Variants in LY6G5C observed in about 807,000 individuals in gnomAD.
LY6G5C encodes the protein lymphocyte antigen 6 family member G5C, also known as lymphocyte antigen 6 complex locus protein G5c.
Under a neutral mutation model 10.5 loss-of-function variants are expected in LY6G5C, and 6 were observed. The ratio of observed to expected loss-of-function variants is 0.57; its 90% CI spans 0.31 to 1.12. The LOEUF (loss-of-function observed/expected upper bound fraction) is 1.12. LY6G5C is among the 50% of genes most tolerant of loss of function. The probability of loss-of-function intolerance (pLI) is 0.05; values close to 1 mark genes in which losing one functional copy is unlikely to be tolerated. For synonymous variants in LY6G5C, 69 were observed against 67.8 expected, an observed-to-expected ratio of 1.02 and a Z score of -0.09; for missense variants, 160 against 185.5, an observed-to-expected ratio of 0.86 and a Z score of 0.80.
chr6:31,677,193 T>A, intron 2 of LY6G5C, 73 bp from the exon 3 acceptor site: 1 of 1,400,440 alleles, frequency 7.1e-7, no homozygotes, highest in Non-Finnish European at 9.8e-7. Context: ...ATCCCCACAC[T>A]CATAAGTCAA....
At chr6:31,676,917 A>C in exon 3 of LY6G5C, 1 of 1,597,532 alleles carries the variant, frequency 6.3e-7, no homozygotes, top group Non-Finnish European at 8.6e-7. Context: ...AGGTGGCTGG[A>C]AACTGGTGGA....
rs1802800982 is a variant in LY6G5C at position 31,680,087 on chromosome 6, TGCACATCAGTCCATGAGCAG to T, written c.121+146_121+165del. On this transcript the variant is annotated intron_variant, in intron 1 of 2. Coordinates refer to ENST00000383237, the Ensembl canonical transcript of LY6G5C. This position sits in a 1 kb window ranked among gnomAD's most constrained non-coding sequence, Gnocchi z 4.5. ...AATAAATTTTTAAAAATCTTCAGAT[TGCACATCAGTCCATGAGCAG>T]GCATTCCCTACCAAACCCATCTGTC... is the stretch of plus-strand genomic sequence containing the variant. 4.5e-6 allele frequency: 3 copies of T among 668,928 alleles called. No individual in the cohort carries two copies. Among genetic ancestry groups the T allele is most frequent in the Non-Finnish European group, 7.8e-6 (3 of 382,364 alleles). 41.4% of individuals were successfully genotyped at this position (668,928 alleles called of 1,614,324 possible). A position where few individuals can be genotyped will look rare whatever the true frequency, so the allele number is the denominator to read the frequency against.
chr6:31,677,745 T>C (rs1802658741), intron 2 of LY6G5C, among the ~76,000 whole-genome samples: 1 of 152,132 alleles, frequency 6.6e-6, no homozygotes, highest in Non-Finnish European at 1.5e-5. Flanking sequence ...AGTGGGATGC[T>C]ACTATCTTGG....
chr6:31,680,114 C>T lies in LY6G5C; in HGVS notation c.121+139G>A. The T allele has an allele frequency of 1.1e-6, 1 of 926,838 alleles. No homozygotes were observed. The allele number at this position is 926,838 out of a possible 1,614,324, so 57.4% of individuals were successfully genotyped here. A position where few individuals can be genotyped will look rare whatever the true frequency, so the allele number is the denominator to read the frequency against. On this transcript the variant is annotated intron_variant, in intron 1 of 2. Coordinates refer to ENST00000383237, the Ensembl canonical transcript of LY6G5C. This position sits in a 1 kb window ranked among gnomAD's most constrained non-coding sequence, Gnocchi z 4.5. ...CACATCAGTCCATGAGCAGGCATTCCCTACCAAACCCATCTGTCCCATCTC... is the reference window on the plus strand; with the variant it reads ...CACATCAGTCCATGAGCAGGCATTCTCTACCAAACCCATCTGTCCCATCTC...
upstream of LY6G5C, chr6:31,680,516 T>TG: frequency 1.1e-6 from 1 of 886,250 alleles, no homozygotes; most frequent in Non-Finnish European, 1.7e-6. The surrounding 1 kb of genome is among the most constrained non-coding windows in gnomAD (Gnocchi z 4.5). Flanking sequence ...ACAGCCACTC[T>TG]GGGGCATAAC....
chr6:31,676,993 G>A, exon 3 of LY6G5C: 1 of 1,613,050 alleles, frequency 6.2e-7, no homozygotes, highest in Non-Finnish European at 8.5e-7. Flanking sequence ...GAGGGTCATT[G>A]CAGAAATCCA....
At position 31,679,396 on chromosome 6, in the gene LY6G5C, A is replaced by G. The variant is rs935534410; in HGVS notation, c.122-128T>C. 20 of 1,007,626 alleles carry G rather than the reference A, an allele frequency of 2.0e-5. No homozygotes were observed. In the Admixed American group the frequency reaches 3.8e-4, roughly 19 times the overall value. The allele number at this position is 1,007,626 out of a possible 1,614,324, so 62.4% of individuals were successfully genotyped here. Reference sequence around the variant, plus strand: ...TGTCTCAGAAAACCATCAAAGCCCCAATTCTCTGCTTCCTTCCCCAACTGC... The same window carrying G: ...TGTCTCAGAAAACCATCAAAGCCCCGATTCTCTGCTTCCTTCCCCAACTGC... On this transcript the variant is annotated intron_variant, in intron 1 of 2. Transcript: ENST00000383237. This position sits in a 1 kb window ranked among gnomAD's most constrained non-coding sequence, Gnocchi z 4.4.
intron 2 of LY6G5C, among the ~76,000 whole-genome samples, chr6:31,678,301 G>A (rs1299850561): frequency 6.6e-6 from 1 of 152,138 alleles, no homozygotes. Context: ...TGAGGAGAGC[G>A]GTTTGACATA....
At chr6:31,677,858 G>T (rs906944762) in intron 2 of LY6G5C, among the ~76,000 whole-genome samples, 1 of 152,214 alleles carries the variant, frequency 6.6e-6, no homozygotes, top group African/African-American at 2.4e-5. Context: ...AGTAAAAAAA[G>T]TGGTCACATG....
At chr6:31,677,734 C>G (rs1342894202) in intron 2 of LY6G5C, among the ~76,000 whole-genome samples, 1 of 152,050 alleles carries the variant, frequency 6.6e-6, no homozygotes, top group Non-Finnish European at 1.5e-5. Context: ...ATAATGTTTA[C>G]AGTGGGATGC....
chr6:31,678,970 A>G (rs1261784595), intron 2 of LY6G5C, 131 bp downstream of exon 2: 1 of 467,686 alleles, frequency 2.1e-6, no homozygotes, highest in Non-Finnish European at 3.1e-6. Context: ...ACAGAGCAGC[A>G]AAAAAAAAAA....
Position 31,679,986 on chromosome 6 carries a change from G to A in LY6G5C, c.121+267C>T. On this transcript the variant is annotated intron_variant, in intron 1 of 2. Coordinates refer to ENST00000383237, the Ensembl canonical transcript of LY6G5C. The surrounding 1 kb of genome is among the most constrained non-coding windows in gnomAD (Gnocchi z 4.4). ...CGCTTGAACCCGGGAGGTGGAGGTT[G>A]CAGTGAGCCGAGATCTCGCCACTGC... 1 of 325,366 alleles carries A rather than the reference G, an allele frequency of 3.1e-6. No individual in the cohort carries two copies. The highest frequency in any genetic ancestry group is 5.8e-6 in the Non-Finnish European group (1 of 171,346). 20.2% of individuals were successfully genotyped at this position (325,366 alleles called of 1,614,324 possible). A position where few individuals can be genotyped will look rare whatever the true frequency, so the allele number is the denominator to read the frequency against.
intron 2 of LY6G5C, 150 bp downstream of exon 2, chr6:31,678,951 G>A: frequency 1.1e-6 from 1 of 878,268 alleles, no homozygotes; most frequent in East Asian, 2.4e-5. Flanking sequence ...CTGCACTCCA[G>A]CCTGGGTGAC....
rs530899001 is a variant in LY6G5C at position 31,680,033 on chromosome 6, C to T, written c.121+220G>A. 1.3e-5 allele frequency: 6 copies of T among 470,528 alleles called. No homozygotes were observed. The highest frequency in any genetic ancestry group is 3.9e-5 in the East Asian group (1 of 25,334). 29.1% of individuals were successfully genotyped at this position (470,528 alleles called of 1,614,324 possible). On this transcript the variant is annotated intron_variant, in intron 1 of 2. Coordinates refer to ENST00000383237, the Ensembl canonical transcript of LY6G5C. This position sits in a 1 kb window ranked among gnomAD's most constrained non-coding sequence, Gnocchi z 4.5. ...CTGCACTCCGGCCTGGGATACAGAGCGAGACTCCATCTCAAAAATAATAAT... is the reference window on the plus strand; with the variant it reads ...CTGCACTCCGGCCTGGGATACAGAGTGAGACTCCATCTCAAAAATAATAAT...
intron 2 of LY6G5C, among the ~76,000 whole-genome samples, chr6:31,678,723 A>G (rs2151203337): frequency 6.6e-6 from 1 of 152,318 alleles, no homozygotes; most frequent in Non-Finnish European, 1.5e-5. Flanking sequence ...TCACGCCTGT[A>G]ATCCCAGCAC....
Position 31,680,274 on chromosome 6 carries a change from C to G in LY6G5C, c.100G>C (p.Val34Leu), listed in dbSNP as rs764825712. 4 of 1,612,802 alleles carry G rather than the reference C, an allele frequency of 2.5e-6. No individual in the cohort carries two copies. Among genetic ancestry groups the G allele is most frequent in the Middle Eastern group, 3.3e-4 (2 of 6,080 alleles). Residue 34 changes from valine (V) to leucine (L), a missense_variant, in exon 1 of 3, where the codon GTC (valine) becomes CTC (leucine). Val to Leu is a conservative substitution (Grantham distance 32). Coordinates refer to ENST00000383237, the Ensembl canonical transcript of LY6G5C. This position sits in a 1 kb window ranked among gnomAD's most constrained non-coding sequence, Gnocchi z 4.5. ...TTACCAAACACCAAGCTCATCATGA[C>G]CAGCACTATTAAGAGGACCGTGTAG...
At position 31,679,374 on chromosome 6, in the gene LY6G5C, C is replaced by G; in HGVS notation, c.122-106G>C. On this transcript the variant is annotated intron_variant, in intron 1 of 2. Coordinates refer to ENST00000383237, the Ensembl canonical transcript of LY6G5C. The surrounding 1 kb of genome is among the most constrained non-coding windows in gnomAD (Gnocchi z 4.4). ...GCCCCACTCCTCCCTCCCTTCCTGT[C>G]TCAGAAAACCATCAAAGCCCCAATT... 7.9e-7 allele frequency: 1 copy of G among 1,259,434 alleles called. No individual in the cohort carries two copies. Among genetic ancestry groups the G allele is most frequent in the Non-Finnish European group, 1.1e-6 (1 of 872,716 alleles). The allele number at this position is 1,259,434 out of a possible 1,614,324, so 78.0% of individuals were successfully genotyped here. A position where few individuals can be genotyped will look rare whatever the true frequency, so the allele number is the denominator to read the frequency against.
Position 31,679,431 on chromosome 6 carries a change from C to T in LY6G5C, c.122-163G>A. ...TTCCTTCCCCAACTGCATACACATA[C>T]ATCCCCCTTTTCCTCTGGTCCTAAG... On this transcript the variant is annotated intron_variant, in intron 1 of 2. Transcript: ENST00000383237. The surrounding 1 kb of genome is among the most constrained non-coding windows in gnomAD (Gnocchi z 4.4). The T allele has an allele frequency of 5.6e-6, 4 of 714,788 alleles. No homozygotes were observed. The highest frequency in any genetic ancestry group is 9.6e-6 in the Non-Finnish European group (4 of 417,590). The allele number at this position is 714,788 out of a possible 1,614,324, so 44.3% of individuals were successfully genotyped here. A position where few individuals can be genotyped will look rare whatever the true frequency, so the allele number is the denominator to read the frequency against.
Position 31,679,341 on chromosome 6 carries a change from G to T in LY6G5C, c.122-73C>A. ...ACACCCTACCACTGCCTGATTCCAG[G>T]CCACTCAGCCCCACTCCTCCCTCCC... On this transcript the variant is annotated intron_variant, in intron 1 of 2. Transcript: ENST00000383237. The surrounding 1 kb of genome is among the most constrained non-coding windows in gnomAD (Gnocchi z 4.4). 2.6e-6 allele frequency: 4 copies of T among 1,541,530 alleles called. No homozygotes were observed. The highest frequency in any genetic ancestry group is 3.6e-6 in the Non-Finnish European group (4 of 1,116,768).
Sources: gnomAD v4.1 joint callset for allele counts (sites outside exome capture counted in the v4.1 genomes callset) on GRCh38, gnomAD v4.1.1 for gene constraint, Gnocchi (gnomAD v3.1) non-coding constraint, MANE v1.5 for transcripts, NCBI Gene and HGNC (gene_info 2026-07-23, HGNC 2026-07-21) for gene names.